The following VWA8 variants were observed in gnomAD, a reference collection of about 807,000 sequenced individuals.
The protein encoded by VWA8 is von Willebrand factor A domain containing 8.
VWA8 carries 221 observed loss-of-function variants against 241.5 expected under a neutral mutation model. That is an observed-to-expected ratio of 0.91 (90% CI 0.82 to 1.02). The LOEUF is 1.02. Among genes scored for constraint, VWA8 ranks in the 50% least tolerant of loss-of-function variants. VWA8 has a pLI of 0.00. For synonymous variants in VWA8, 852 were observed against 827.1 expected, an observed-to-expected ratio of 1.03 and a Z score of -0.52; for missense variants, 2,322 against 2,328.7, an observed-to-expected ratio of 1.00 and a Z score of 0.06.
chr13:41,699,989 C>T (rs1303681113), intron 28 of VWA8, among the ~76,000 whole-genome samples: 1 of 152,142 alleles, frequency 6.6e-6, no homozygotes, highest in Admixed American at 6.5e-5. Flanking sequence ...CCAGGAGAGG[C>T]TAATGCTGCT....
chr13:41,699,299 T>C lies in VWA8; in HGVS notation c.3365-29A>G, dbSNP rs770526505. On this transcript the variant is annotated intron_variant, in intron 28 of 44. Transcript: ENST00000379310. Reference sequence around the variant, plus strand: ...AAATGACAAAAAGGTGTTAATTTTGTGGCTGGCAACCAATTCTCTAATTGG... The same window carrying C: ...AAATGACAAAAAGGTGTTAATTTTGCGGCTGGCAACCAATTCTCTAATTGG... 3.1e-6 allele frequency: 5 copies of C among 1,610,770 alleles called. No homozygotes were observed. The South Asian group carries it at 4.4e-5, about 14-fold the overall frequency.
intron 35 of VWA8, among the ~76,000 whole-genome samples, chr13:41,676,286 A>C (rs559047854): frequency 7.6e-4 from 116 of 152,048 alleles, no homozygotes; most frequent in Non-Finnish European, 1.4e-3. Flanking sequence ...TGTAATCTGG[A>C]AAAGAGATTA....
intron 2 of VWA8, among the ~76,000 whole-genome samples, chr13:41,920,668 C>T (rs1454345097): frequency 6.6e-6 from 1 of 152,124 alleles, no homozygotes; most frequent in African/African-American, 2.4e-5. Context: ...CACTTCTGCA[C>T]AAATAAACTA....
chr13:41,836,727 C>T (rs1018573797), intron 12 of VWA8, among the ~76,000 whole-genome samples: 1 of 152,082 alleles, frequency 6.6e-6, no homozygotes, highest in Admixed American at 6.6e-5. Flanking sequence ...ACAACTAGTA[C>T]ATAGGGCTCT....
At chr13:41,903,494 A>T (rs568768741) in intron 4 of VWA8, among the ~76,000 whole-genome samples, 10 of 152,162 alleles carry the variant, frequency 6.6e-5, no homozygotes, top group Non-Finnish European at 1.3e-4. Flanking sequence ...ATCATGTACG[A>T]TGACAGCCTG....
At chr13:41,928,252 C>T (rs1478247070) in intron 2 of VWA8, among the ~76,000 whole-genome samples, 1 of 152,018 alleles carries the variant, frequency 6.6e-6, no homozygotes, top group African/African-American at 2.4e-5. Flanking sequence ...ACCAAATAAG[C>T]CTAACAGACA....
At chr13:41,764,120 T>C (rs2045762318) in intron 20 of VWA8, among the ~76,000 whole-genome samples, 1 of 152,162 alleles carries the variant, frequency 6.6e-6, no homozygotes, top group Non-Finnish European at 1.5e-5. Flanking sequence ...AACCTACTTT[T>C]TTCTCTTTTC....
At chr13:41,719,414 A>G in intron 26 of VWA8, 177 bp downstream of exon 26, 1 of 1,428,018 alleles carries the variant, frequency 7.0e-7, no homozygotes, top group Non-Finnish European at 9.1e-7. Context: ...TTCAATTTAC[A>G]GGCCTATAAA....
chr13:41,954,375 C>A (rs971615325), intron 1 of VWA8, among the ~76,000 whole-genome samples: 1 of 152,138 alleles, frequency 6.6e-6, no homozygotes, highest in Non-Finnish European at 1.5e-5. Context: ...CCATTGTGTG[C>A]GCCTAACCAC....
Position 41,885,993 on chromosome 13 carries a change from C to A in VWA8, c.902G>T (p.Cys301Phe). Residue 301 changes from cysteine (C) to phenylalanine (F), a missense_variant, in exon 8 of 45, where the codon TGT becomes TTT. Physicochemically the swap from Cys to Phe is radical, Grantham distance 205 (BLOSUM62 -2). Coordinates refer to ENST00000379310, the MANE Select transcript of VWA8 (RefSeq NM_015058.2). The stretch of plus-strand genomic sequence containing the variant: ...TCCAAGAGTAGAAGATTCTTGGGAA[C>A]ACAGAGTTGTGGCAAAGGACAAGAG... ...SQLLSFATTLCSQESSTLGLP... is the reference protein window; with the variant it reads ...SQLLSFATTLFSQESSTLGLP... 1 of 1,606,732 alleles carries A rather than the reference C, an allele frequency of 6.2e-7. No homozygotes were observed. The highest frequency in any genetic ancestry group is 1.1e-5 in the South Asian group (1 of 88,770).
At chr13:41,730,710 A>G (rs1226648474) in intron 22 of VWA8, among the ~76,000 whole-genome samples, 1 of 152,154 alleles carries the variant, frequency 6.6e-6, no homozygotes, top group Non-Finnish European at 1.5e-5. Flanking sequence ...TATCCAATGA[A>G]TTTAAGTGAA....
intron 9 of VWA8, among the ~76,000 whole-genome samples, chr13:41,874,089 G>A (rs1321077008): frequency 6.6e-6 from 1 of 151,802 alleles, no homozygotes; most frequent in Non-Finnish European, 1.5e-5. Context: ...AAAACCACAT[G>A]ATTATCTCAA....
At chr13:41,912,256 T>A in intron 2 of VWA8, 88 bp from the exon 3 acceptor site, 1 of 958,948 alleles carries the variant, frequency 1.0e-6, no homozygotes, top group Non-Finnish European at 1.4e-6. Flanking sequence ...TTTATATATA[T>A]ATATAACGTA....
At chr13:41,953,809 CA>C (rs902115839) in intron 1 of VWA8, among the ~76,000 whole-genome samples, 21 of 150,820 alleles carry the variant, frequency 1.4e-4, no homozygotes, top group African/African-American at 4.1e-4. Context: ...AACTCTGTGT[CA>C]AAAAAAATTA....
intron 40 of VWA8, among the ~76,000 whole-genome samples, chr13:41,598,754 G>A (rs1359237736): frequency 2.6e-5 from 4 of 151,656 alleles, no homozygotes; most frequent in African/African-American, 9.7e-5. Context: ...AAGGTTTCAG[G>A]GACAACTAAT....
intron 12 of VWA8, among the ~76,000 whole-genome samples, chr13:41,856,721 G>A (rs1872766227): frequency 6.6e-6 from 1 of 152,096 alleles, no homozygotes; most frequent in Non-Finnish European, 1.5e-5. Flanking sequence ...CTACTTGGGA[G>A]GCTGAGGTGG....
chr13:41,813,890 A>G (rs777119260), intron 16 of VWA8, among the ~76,000 whole-genome samples: 8 of 152,056 alleles, frequency 5.3e-5, no homozygotes, highest in Non-Finnish European at 1.0e-4. Flanking sequence ...GCAAAAAAAA[A>G]GGGGGGCGGT....
At chr13:41,897,346 C>T (rs1875160984) in intron 4 of VWA8, among the ~76,000 whole-genome samples, 2 of 152,100 alleles carry the variant, frequency 1.3e-5, no homozygotes, top group South Asian at 4.1e-4. Context: ...ATGAAAACCA[C>T]AATGAGACCT....
Position 41,912,041 on chromosome 13 carries a change from G to A in VWA8, c.369C>T (p.Tyr123=), listed in dbSNP as rs1272368599. 2.5e-6 allele frequency: 4 copies of A among 1,582,270 alleles called. No individual in the cohort carries two copies. The highest frequency in any genetic ancestry group is 3.4e-5 in the Admixed American group (2 of 58,052). The change falls in exon 3 of 45, where the codon TAC becomes TAT. Residue 123 remains tyrosine (Y), a synonymous_variant. Transcript: ENST00000379310. ...GPLRRSIAMQ[Y]LELTKREVEY... is the part of the protein sequence containing the mutation. ...TTGACAAGAATTAACTGCTCACCAA[G>A]TACTGCATAGCAATAGAGCGTCGAA... is the stretch of plus-strand genomic sequence containing the variant.
Sources: gnomAD v4.1 joint callset for allele counts (sites outside exome capture counted in the v4.1 genomes callset) on GRCh38, gnomAD v4.1.1 for gene constraint, MANE v1.5 for transcripts, NCBI Gene and HGNC (gene_info 2026-07-23, HGNC 2026-07-21) for gene names.